The following SCAF11 variants were observed in gnomAD, a reference collection of about 807,000 sequenced individuals.
SCAF11 encodes protein SCAF11.
SCAF11 carries 47 observed loss-of-function variants against 140.5 expected under a neutral mutation model. The ratio of observed to expected loss-of-function variants is 0.33; its 90% CI spans 0.26 to 0.43. The LOEUF (loss-of-function observed/expected upper bound fraction) is 0.43, where lower values mean the gene tolerates loss of function less well. SCAF11 is among the 20% of genes least tolerant of loss of function. The pLI, the probability that SCAF11 is intolerant of heterozygous loss-of-function variation, is 1.00. For synonymous variants in SCAF11, 557 were observed against 579.4 expected, an observed-to-expected ratio of 0.96 and a Z score of 0.55; for missense variants, 1,645 against 1,705.1, an observed-to-expected ratio of 0.96 and a Z score of 0.62.
chr12:45,991,206 G>C (rs11574953), upstream of SCAF11, among the ~76,000 whole-genome samples: 1 of 152,166 alleles, frequency 6.6e-6, no homozygotes, highest in Non-Finnish European at 1.5e-5. Context: ...ATGCCAGGGG[G>C]AGAGCTTTCC....
At chr12:45,946,804 AT>A (rs1441361435) in intron 5 of SCAF11, among the ~76,000 whole-genome samples, 1 of 152,190 alleles carries the variant, frequency 6.6e-6, no homozygotes, top group East Asian at 1.9e-4. Flanking sequence ...GCTGATAAGT[AT>A]TTTTCAGAAA....
chr12:45,928,883 AAAAGT>A, intron 10 of SCAF11, 24 bp from the exon 11 acceptor site: 1 of 1,348,032 alleles, frequency 7.4e-7, no homozygotes, highest in Non-Finnish European at 9.7e-7. Flanking sequence ...AAAAAAAAAA[AAAAGT>A]AAAAAATATG....
At chr12:45,973,343 T>G (rs1033657800) in intron 1 of SCAF11, among the ~76,000 whole-genome samples, 2 of 140,700 alleles carry the variant, frequency 1.4e-5, no homozygotes, top group African/African-American at 5.3e-5. Flanking sequence ...AACATTCACA[T>G]CAAGAATGCA....
chr12:45,989,782 C>T (rs1048018112), intron 1 of SCAF11, among the ~76,000 whole-genome samples: 5 of 152,224 alleles, frequency 3.3e-5, no homozygotes, highest in African/African-American at 1.2e-4. Context: ...TTAGAAGCGC[C>T]GGCTCTTCCC....
At chr12:45,944,634 C>CCG (rs1945377509) in intron 6 of SCAF11, among the ~76,000 whole-genome samples, 1 of 152,136 alleles carries the variant, frequency 6.6e-6, no homozygotes, top group African/African-American at 2.4e-5. Flanking sequence ...ACAGCCTGAA[C>CCG]CCCCAAGGAG....
Position 45,927,361 on chromosome 12 carries a change from G to T in SCAF11, c.2340C>A (p.Thr780=), listed in dbSNP as rs146210628. ...VSQPSESPKD[T]IDKTKKPRTR... ...TACGAGGCTTTTTGGTTTTATCTAT[G>T]GTATCTTTTGGGCTTTCAGATGGTT... The change falls in exon 11 of 15, where the codon ACC becomes ACA. Residue 780 remains threonine (T), a synonymous_variant. Coordinates refer to ENST00000369367, the MANE Select transcript of SCAF11 (RefSeq NM_004719.3). 615 of 1,613,294 alleles carry T rather than the reference G, an allele frequency of 3.8e-4. 1 individual carries two copies. The highest frequency in any genetic ancestry group is 2.0e-3 in the Middle Eastern group (12 of 6,060).
chr12:45,972,997 T>C (rs1946145598), intron 1 of SCAF11, among the ~76,000 whole-genome samples: 1 of 144,936 alleles, frequency 6.9e-6, no homozygotes, highest in Non-Finnish European at 1.5e-5. Flanking sequence ...GATATAGATA[T>C]ATAGATATAT....
At chr12:45,923,195 C>T (rs1256872858) in intron 12 of SCAF11, 41 bp from the exon 13 acceptor site, 1 of 1,540,634 alleles carries the variant, frequency 6.5e-7, no homozygotes, top group East Asian at 2.3e-5. Flanking sequence ...ATTACTTGTA[C>T]TCGATAGAAG....
At chr12:45,948,954 A>G (rs1002026871) in intron 4 of SCAF11, among the ~76,000 whole-genome samples, 2 of 152,206 alleles carry the variant, frequency 1.3e-5, no homozygotes, top group Admixed American at 6.6e-5. Context: ...TGAGAAGCCA[A>G]TGTAGACAGG....
intron 1 of SCAF11, among the ~76,000 whole-genome samples, chr12:45,981,944 C>T (rs1565694757): frequency 6.6e-6 from 1 of 152,152 alleles, no homozygotes. Context: ...CTACAAGAAA[C>T]TCCCTTTAAA....
intron 11 of SCAF11, among the ~76,000 whole-genome samples, chr12:45,925,504 A>AT (rs1251501490): frequency 6.6e-6 from 1 of 152,182 alleles, no homozygotes; most frequent in Non-Finnish European, 1.5e-5. Context: ...AGCAAAGATC[A>AT]TGCCATTGCA....
At chr12:45,972,983 T>A (rs1043597993) in intron 1 of SCAF11, among the ~76,000 whole-genome samples, 11 of 140,574 alleles carry the variant, frequency 7.8e-5, no homozygotes, top group Admixed American at 4.3e-4. Context: ...TATATAGATA[T>A]ATAGATATAG....
chr12:45,928,760 G>C lies in SCAF11; in HGVS notation c.941C>G (p.Pro314Arg), dbSNP rs375919395. ...CCTCCTTGTAGGAGTTGTCATTGCA[G>C]GTTTTCGTCTTGATCCTCTGGTATT... ...TSNTRGSRRK[P>R]AMTTPTRRST... Residue 314 changes from proline to arginine, a missense_variant, in exon 11 of 15, where the codon CCT (proline) becomes CGT (arginine). Pro to Arg is a moderately radical substitution (Grantham distance 103, BLOSUM62 -2). Coordinates refer to ENST00000369367, the MANE Select transcript of SCAF11 (RefSeq NM_004719.3). 67 of 1,613,262 alleles carry C rather than the reference G, an allele frequency of 4.2e-5. No individual in the cohort carries two copies. Among genetic ancestry groups the C allele is most frequent in the Non-Finnish European group, 5.4e-5 (64 of 1,179,848 alleles).
In SCAF11 at chr12:45,990,410, C is replaced by T. The variant is rs1293435923; in HGVS notation, c.-79G>A. On this transcript the variant is annotated 5_prime_UTR_variant, in exon 1 of 15. Coordinates refer to ENST00000369367, the MANE Select transcript of SCAF11 (RefSeq NM_004719.3). The stretch of plus-strand genomic sequence containing the variant: ...GCGGCCCCACAGTAGGTTCCCAGGT[C>T]CCAGTCACTCCGCTGCCAAGTTCCC... 3 of 1,232,152 alleles carry T rather than the reference C, an allele frequency of 2.4e-6. No individual in the cohort carries two copies. Among genetic ancestry groups the T allele is most frequent in the Non-Finnish European group, 3.0e-6 (3 of 988,472 alleles). The allele number at this position is 1,232,152 out of a possible 1,614,324, so 76.3% of individuals were successfully genotyped here.
At chr12:45,930,586 G>A (rs1237820924) in intron 10 of SCAF11, among the ~76,000 whole-genome samples, 1 of 151,760 alleles carries the variant, frequency 6.6e-6, no homozygotes, top group Non-Finnish European at 1.5e-5. Context: ...ATAGCAACAG[G>A]TGGCGGCCAC....
At chr12:45,985,821 G>A (rs1473575889) in intron 1 of SCAF11, among the ~76,000 whole-genome samples, 1 of 152,066 alleles carries the variant, frequency 6.6e-6, no homozygotes, top group East Asian at 1.9e-4. Flanking sequence ...GAACCTTACT[G>A]TCCTGCTTGT....
At chr12:45,940,929 C>T (rs757348461) in intron 6 of SCAF11, among the ~76,000 whole-genome samples, 7 of 152,118 alleles carry the variant, frequency 4.6e-5, no homozygotes, top group Non-Finnish European at 7.4e-5. Flanking sequence ...CTCAGCCTCC[C>T]GAGTAGCTGG....
intron 1 of SCAF11, among the ~76,000 whole-genome samples, chr12:45,972,893 GATATATATATATATAGAT>G (rs1946117366): frequency 1.6e-5 from 1 of 63,830 alleles, no homozygotes; most frequent in Non-Finnish European, 2.4e-5. Context: ...TATATATATA[GATATATATATATATAGAT>G]ATATATATAG....
chr12:45,971,837 C>G (rs1161902404), intron 1 of SCAF11, among the ~76,000 whole-genome samples: 1 of 151,948 alleles, frequency 6.6e-6, no homozygotes, highest in Non-Finnish European at 1.5e-5. Context: ...GATGAACCAT[C>G]CTCACCAAAT....
Sources: gnomAD v4.1 joint callset for allele counts (sites outside exome capture counted in the v4.1 genomes callset) on GRCh38, gnomAD v4.1.1 for gene constraint, MANE v1.5 for transcripts, NCBI Gene and HGNC (gene_info 2026-07-23, HGNC 2026-07-21) for gene names.